Variants in CDT1 observed in about 807,000 individuals in gnomAD.
The protein encoded by CDT1 is chromatin licensing and DNA replication factor 1, also known as DNA replication factor Cdt1.
A neutral mutation model predicts 49.3 loss-of-function variants in CDT1; 66 were observed. The ratio of observed to expected loss-of-function variants is 1.34; its 90% CI spans 1.10 to 1.64. The LOEUF (loss-of-function observed/expected upper bound fraction) is 1.64, where lower values mean the gene tolerates loss of function less well. CDT1 is among the 40% of genes most tolerant of loss of function. The pLI, the probability that CDT1 is intolerant of heterozygous loss-of-function variation, is 0.00. For missense variants in CDT1, 958 were observed against 807.7 expected, an observed-to-expected ratio of 1.19 and a Z score of -2.26; for synonymous variants, 424 against 347.4, an observed-to-expected ratio of 1.22 and a Z score of -2.45.
chr16:88,804,942 G>C, intron 3 of CDT1, 44 bp downstream of exon 3: 1 of 1,532,876 alleles, frequency 6.5e-7, no homozygotes, highest in Non-Finnish European at 8.7e-7. Flanking sequence ...CAAAGGCCGG[G>C]TTGGTGGCAG....
At position 88,804,661 on chromosome 16, in the gene CDT1, G is replaced by T. The variant is rs750150918; in HGVS notation, c.345G>T (p.Gln115His). ...AGQPPHLTSA[Q>H]DQDTISELAS... ...AGCCGCCCCACCTGACATCCGCGCA[G>T]GACCAGGTGAGGGGCGGGGCCTGGG... Residue 115 changes from glutamine to histidine, a missense_variant, in exon 2 of 10, where the codon CAG becomes CAT. Coordinates refer to ENST00000301019, the MANE Select transcript of CDT1 (RefSeq NM_030928.4). The T allele has an allele frequency of 2.9e-5, 47 of 1,612,510 alleles. No individual in the cohort carries two copies. The highest frequency in any genetic ancestry group is 3.9e-5 in the Non-Finnish European group (46 of 1,179,832).
Position 88,806,139 on chromosome 16 carries a change from C to G in CDT1, c.933+18C>G. The G allele has an allele frequency of 6.4e-7, 1 of 1,569,190 alleles. No homozygotes were observed. Among genetic ancestry groups the G allele is most frequent in the South Asian group, 1.1e-5 (1 of 87,320 alleles). On this transcript the variant is annotated intron_variant, in intron 6 of 9. Transcript: ENST00000301019. ...ACCACAAGGTGAGCGGCCCCCGGCC[C>G]CGCTGTGTGAAGATGGTGGCACCAG...
intron 9 of CDT1, among the ~76,000 whole-genome samples, 198 bp downstream of exon 9, chr16:88,807,680 C>T (rs1299678157): frequency 6.6e-6 from 1 of 152,234 alleles, no homozygotes; most frequent in Non-Finnish European, 1.5e-5. Flanking sequence ...CCCGGCCCCT[C>T]CACACCTGCA....
At position 88,808,356 on chromosome 16, in the gene CDT1, A is replaced by G. The variant is rs930179573; in HGVS notation, c.*78A>G. 7.4e-6 allele frequency: 11 copies of G among 1,480,866 alleles called. No homozygotes were observed. The Admixed American group carries it at 1.4e-4, about 19-fold the overall frequency. 91.7% of individuals were successfully genotyped at this position (1,480,866 alleles called of 1,614,324 possible). ...CCCACCAGCATTTTCTTTTATGAACATGATACACTTTGGCCTTCCTTTCCC... is the reference window on the plus strand; with the variant it reads ...CCCACCAGCATTTTCTTTTATGAACGTGATACACTTTGGCCTTCCTTTCCC... On this transcript the variant is annotated 3_prime_UTR_variant, in exon 10 of 10. Coordinates refer to ENST00000301019, the MANE Select transcript of CDT1 (RefSeq NM_030928.4).
Position 88,808,918 on chromosome 16 carries a change from C to A in CDT1, c.*640C>A, listed in dbSNP as rs545399352. 1 of 162,576 alleles carries A rather than the reference C, an allele frequency of 6.2e-6. No homozygotes were observed. Among genetic ancestry groups the A allele is most frequent in the South Asian group, 1.7e-4 (1 of 6,014 alleles). 10.1% of individuals were successfully genotyped at this position (162,576 alleles called of 1,614,324 possible). On this transcript the variant is annotated 3_prime_UTR_variant, in exon 10 of 10. Coordinates refer to ENST00000301019, the MANE Select transcript of CDT1 (RefSeq NM_030928.4). Reference sequence around the variant, plus strand: ...GGCTGAGGCAGGAGAATGGTGTGAACCCAGGAGGCACAGCTTGCAGTGAGC... The same window carrying A: ...GGCTGAGGCAGGAGAATGGTGTGAAACCAGGAGGCACAGCTTGCAGTGAGC...
chr16:88,804,737 A>AC (rs1274063554), intron 2 of CDT1, 25 bp from the exon 3 acceptor site: 5 of 1,612,618 alleles, frequency 3.1e-6, no homozygotes, highest in Non-Finnish European at 4.2e-6. Flanking sequence ...GCCTGACGGC[A>AC]CCGTGTCCCC....
chr16:88,805,720 A>G lies in CDT1; in HGVS notation c.687-4A>G. On this transcript the variant is annotated splice_region_variant and splice_polypyrimidine_tract_variant and intron_variant, in intron 4 of 9. Transcript: ENST00000301019. Reference sequence around the variant, plus strand: ...CCTCCTGAGCCGCCCCCATCCTCCCATAGGCGTTTTGAGGAGTGCAATGTT... The same window carrying G: ...CCTCCTGAGCCGCCCCCATCCTCCCGTAGGCGTTTTGAGGAGTGCAATGTT... 2.5e-6 allele frequency: 4 copies of G among 1,612,914 alleles called. No homozygotes were observed. The highest frequency in any genetic ancestry group is 3.4e-6 in the Non-Finnish European group (4 of 1,179,986).
intron 6 of CDT1, 71 bp from the exon 7 acceptor site, chr16:88,806,415 G>A: frequency 7.8e-6 from 12 of 1,543,956 alleles, no homozygotes; most frequent in Non-Finnish European, 9.7e-6. Flanking sequence ...CGTAAGCACA[G>A]GCCTACCTCA....
intron 7 of CDT1, 125 bp downstream of exon 7, chr16:88,806,799 G>A (rs967400652): frequency 8.3e-6 from 11 of 1,324,100 alleles, no homozygotes; most frequent in South Asian, 5.4e-5. Context: ...CTTGGCTGGC[G>A]GATCCAGAGA....
Position 88,804,003 on chromosome 16 carries a change from G to T in CDT1, c.172G>T (p.Gly58Ter). The change falls in exon 1 of 10, where the codon GGA becomes TGA. Residue 58 changes from glycine (G) to a stop codon, truncating the protein, a stop_gained. Transcript: ENST00000301019. LOFTEE classifies it high-confidence loss of function. ...RKRARPPAAP[G>*]RDQARPPARR... ...GCGCGCCCGCCCGCCCGCCGCCCCC[G>T]GACGCGACCAGGCCAGGCCACCGGC... 6.9e-7 allele frequency: 1 copy of T among 1,454,512 alleles called. No individual in the cohort carries two copies. The highest frequency in any genetic ancestry group is 9.0e-7 in the Non-Finnish European group (1 of 1,109,078). The allele number at this position is 1,454,512 out of a possible 1,614,324, so 90.1% of individuals were successfully genotyped here.
rs192801582 is a variant in CDT1, at chr16:88,808,853, G to T, written c.*575G>T. On this transcript the variant is annotated 3_prime_UTR_variant, in exon 10 of 10. Coordinates refer to ENST00000301019, the MANE Select transcript of CDT1 (RefSeq NM_030928.4). ...CTACTAAAAATACAAAAAATTAGCCGGGTGTGGTGGTGGGCACCTGTCGTC... is the reference window on the plus strand; with the variant it reads ...CTACTAAAAATACAAAAAATTAGCCTGGTGTGGTGGTGGGCACCTGTCGTC... 2.0e-3 allele frequency: 320 copies of T among 160,146 alleles called. 10 individuals carry two copies. The East Asian group carries it at 0.051, about 26-fold the overall frequency. The allele number at this position is 160,146 out of a possible 1,614,324, so 9.9% of individuals were successfully genotyped here.
chr16:88,806,505 G>A lies in CDT1; in HGVS notation c.953G>A (p.Ser318Asn), dbSNP rs1428315038. The A allele has an allele frequency of 1.2e-6, 2 of 1,610,776 alleles. No individual in the cohort carries two copies. The highest frequency in any genetic ancestry group is 1.7e-6 in the Non-Finnish European group (2 of 1,179,132). ...CCCCAGGCCTTCCTGGCCTCCCTGAGCCCCGCCATGGTGGTGCCGGAGGAC... is the reference window on the plus strand; with the variant it reads ...CCCCAGGCCTTCCTGGCCTCCCTGAACCCCGCCATGGTGGTGCCGGAGGAC... ...EHHKAFLASL[S>N]PAMVVPEDQL... The change falls in exon 7 of 10, where the codon AGC (serine) becomes AAC (asparagine). Residue 318 changes from serine to asparagine, a missense_variant. Physicochemically the swap from Ser to Asn is conservative, Grantham distance 46. Transcript: ENST00000301019.
chr16:88,803,818 C>G lies in CDT1; in HGVS notation c.-14C>G, dbSNP rs768345010. The stretch of plus-strand genomic sequence containing the variant: ...CTTCCTTCTTTCCTTGCTTTCGCCG[C>G]GCACTCCGCCGCCATGGAGCAGCGC... On this transcript the variant is annotated 5_prime_UTR_variant, in exon 1 of 10. Coordinates refer to ENST00000301019, the MANE Select transcript of CDT1 (RefSeq NM_030928.4). 2.0e-6 allele frequency: 3 copies of G among 1,510,140 alleles called. No homozygotes were observed. The highest frequency in any genetic ancestry group is 1.2e-5 in the South Asian group (1 of 86,844). The allele number at this position is 1,510,140 out of a possible 1,614,324, so 93.5% of individuals were successfully genotyped here.
At position 88,807,275 on chromosome 16, in the gene CDT1, C is replaced by T. The variant is rs770408336; in HGVS notation, c.1276-6C>T. 4.3e-6 allele frequency: 7 copies of T among 1,611,918 alleles called. No individual in the cohort carries two copies. The highest frequency in any genetic ancestry group is 2.2e-5 in the East Asian group (1 of 44,888). Reference sequence around the variant, plus strand: ...CCCACTAACCAGGTCCCGGTACCTGCTGCAGATCCGAGCCAAGGAGGCACA... The same window carrying T: ...CCCACTAACCAGGTCCCGGTACCTGTTGCAGATCCGAGCCAAGGAGGCACA... On this transcript the variant is annotated splice_polypyrimidine_tract_variant and splice_region_variant and intron_variant, in intron 8 of 9. Transcript: ENST00000301019.
chr16:88,804,778 T>C lies in CDT1; in HGVS notation c.368T>C (p.Leu123Pro). 6.2e-7 allele frequency: 1 copy of C among 1,612,826 alleles called. No homozygotes were observed. The highest frequency in any genetic ancestry group is 8.5e-7 in the Non-Finnish European group (1 of 1,179,872). The change falls in exon 3 of 10, where the codon CTT (leucine) becomes CCT (proline). Residue 123 changes from leucine to proline, a missense_variant. Coordinates refer to ENST00000301019, the MANE Select transcript of CDT1 (RefSeq NM_030928.4). ...CCCCTGAAGGACACCATCTCTGAGC[T>C]TGCGTCATGCCTGCAACGGGCCCGG... is the stretch of plus-strand genomic sequence containing the variant. ...SAQDQDTISELASCLQRAREL... is the reference protein window; with the variant it reads ...SAQDQDTISEPASCLQRAREL...
chr16:88,808,447 C>A lies in CDT1; in HGVS notation c.*169C>A. 1 of 749,890 alleles carries A rather than the reference C, an allele frequency of 1.3e-6. No homozygotes were observed. The highest frequency in any genetic ancestry group is 2.1e-6 in the Non-Finnish European group (1 of 473,964). The allele number at this position is 749,890 out of a possible 1,614,324, so 46.5% of individuals were successfully genotyped here. ...TGCACAGCCCGAGGGTCTCTGGCTGCGGGCGGTGGGCCCCTTCATGGGGCT... is the reference window on the plus strand; with the variant it reads ...TGCACAGCCCGAGGGTCTCTGGCTGAGGGCGGTGGGCCCCTTCATGGGGCT... On this transcript the variant is annotated 3_prime_UTR_variant, in exon 10 of 10. Coordinates refer to ENST00000301019, the MANE Select transcript of CDT1 (RefSeq NM_030928.4).
At chr16:88,805,913 G>C in intron 5 of CDT1, 44 bp downstream of exon 5, 17 of 1,605,802 alleles carry the variant, frequency 1.1e-5, no homozygotes, top group Non-Finnish European at 1.4e-5. Context: ...TCTGTGAGCC[G>C]CACAGTTTCC....
In CDT1 at chr16:88,805,442, G is replaced by T; in HGVS notation, c.491G>T (p.Gly164Val). 1 of 1,612,568 alleles carries T rather than the reference G, an allele frequency of 6.2e-7. No individual in the cohort carries two copies. Among genetic ancestry groups the T allele is most frequent in the East Asian group, 2.2e-5 (1 of 44,882 alleles). ...TGAGGCTCCTCCCTCCCTGACAGTG[G>T]CGAGAAGGCGCCCGCCTACCAGCGC... ...EAEGRPEEPC[G>V]EKAPAYQRFH... Residue 164 changes from glycine to valine, a missense_variant and splice_region_variant, in exon 4 of 10, where the codon GGC (glycine) becomes GTC (valine). By Grantham distance (109) the Gly-to-Val change is moderately radical. Coordinates refer to ENST00000301019, the MANE Select transcript of CDT1 (RefSeq NM_030928.4).
At chr16:88,807,633 G>T in intron 9 of CDT1, 151 bp downstream of exon 9, 5 of 829,398 alleles carry the variant, frequency 6.0e-6, no homozygotes, top group South Asian at 1.7e-5. Flanking sequence ...TGTGTCCTGG[G>T]CGCTCTGCCC....
Sources: allele counts gnomAD v4.1 joint callset (sites outside exome capture counted in the v4.1 genomes callset), GRCh38; gene constraint gnomAD v4.1.1; transcripts MANE v1.5; gene names NCBI Gene and HGNC (gene_info 2026-07-23, HGNC 2026-07-21).